Variants in FHIT observed in about 807,000 individuals in gnomAD.
FHIT encodes the protein fragile histidine triad diadenosine triphosphatase.
FHIT carries 19 observed loss-of-function variants against 17.9 expected under a neutral mutation model. The ratio of observed to expected loss-of-function variants is 1.06; its 90% confidence interval spans 0.74 to 1.56. FHIT has a LOEUF of 1.56. FHIT is among the 40% of genes most tolerant of loss of function. The pLI, the probability that FHIT is intolerant of heterozygous loss-of-function variation, is 0.00. For missense variants in FHIT, 248 were observed against 189.2 expected (o/e 1.31, Z -1.82); for synonymous variants, 81 against 69.7 (o/e 1.16, Z -0.81).
chr3:61,216,913 A>G (rs2039695018), intron 1 of FHIT, among the ~76,000 whole-genome samples: 1 of 147,406 alleles, frequency 6.8e-6, no homozygotes. Context: ...CAAACACCGC[A>G]TGTTCTCACT....
intron 3 of FHIT, among the ~76,000 whole-genome samples, chr3:61,008,431 C>A (rs1227962825): frequency 6.6e-6 from 1 of 152,042 alleles, no homozygotes; most frequent in African/African-American, 2.4e-5. Flanking sequence ...GGGCTCTGCA[C>A]TACAATTCTC....
rs1701429991 is a variant in FHIT at position 59,760,102 on chromosome 3, TA to T, written c.349-7782del. Among the ~76,000 whole-genome samples, 2 of 152,206 alleles carry T rather than the reference TA, an allele frequency of 1.3e-5. 1 individual carries two copies. The highest frequency in any genetic ancestry group is 6.4e-3 in the Middle Eastern group (2 of 314). ...GAAATTCAAGTAATCAATGGAGCAT[TA>T]ATCATTTGATTAGTTGCCAAAGCTT... is the stretch of plus-strand genomic sequence containing the variant. On this transcript the variant is annotated intron_variant, in intron 8 of 9. Coordinates refer to ENST00000492590, the MANE Select transcript of FHIT (RefSeq NM_002012.4).
intron 4 of FHIT, among the ~76,000 whole-genome samples, chr3:60,563,700 C>G (rs1315969491): frequency 6.6e-6 from 1 of 152,168 alleles, no homozygotes. Flanking sequence ...TCCCTTAAGC[C>G]AAAGCCTAAT....
chr3:60,274,853 C>A (rs1707044455), intron 5 of FHIT, among the ~76,000 whole-genome samples: 1 of 152,146 alleles, frequency 6.6e-6, no homozygotes, highest in Admixed American at 6.5e-5. Flanking sequence ...ACACTCATGT[C>A]AGCAAATTTA....
At chr3:59,834,575 T>C (rs1701276211) in intron 8 of FHIT, among the ~76,000 whole-genome samples, 1 of 152,168 alleles carries the variant, frequency 6.6e-6, no homozygotes, top group Admixed American at 6.6e-5. Flanking sequence ...GAGAACCCTC[T>C]TCCAGGTTGT....
intron 1 of FHIT, among the ~76,000 whole-genome samples, chr3:61,230,628 T>G (rs1233962437): frequency 6.6e-6 from 1 of 152,130 alleles, no homozygotes; most frequent in Non-Finnish European, 1.5e-5. Context: ...TAGACTAGAG[T>G]AAGGATTGCT....
intron 5 of FHIT, among the ~76,000 whole-genome samples, chr3:60,529,512 T>C (rs1476943960): frequency 6.6e-6 from 1 of 152,238 alleles, no homozygotes; most frequent in Non-Finnish European, 1.5e-5. Flanking sequence ...GTTAATTACA[T>C]GACACTTCTT....
intron 4 of FHIT, among the ~76,000 whole-genome samples, chr3:60,556,600 C>T (rs924692073): frequency 6.6e-5 from 10 of 152,240 alleles, no homozygotes; most frequent in African/African-American, 2.4e-4. Flanking sequence ...GCAACTTGAT[C>T]AAGGTCACCC....
Position 60,406,321 on chromosome 3 carries a change from G to A in FHIT, c.103+130539C>T, listed in dbSNP as rs975249100. 6.6e-5 allele frequency among the ~76,000 whole-genome samples: 10 copies of A among 152,262 alleles called. 1 individual carries two copies. Among genetic ancestry groups the A allele is most frequent in the Admixed American group, 4.6e-4 (7 of 15,296 alleles). ...GAATGCTTTTCTCTAAGAAGTTCCT[G>A]ATCCTGAGAACCAGGCAATCTTACA... is the stretch of plus-strand genomic sequence containing the variant. On this transcript the variant is annotated intron_variant, in intron 5 of 9. Coordinates refer to ENST00000492590, the MANE Select transcript of FHIT (RefSeq NM_002012.4).
intron 5 of FHIT, among the ~76,000 whole-genome samples, chr3:60,521,372 C>T (rs376957369): frequency 5.3e-5 from 8 of 152,090 alleles, no homozygotes; most frequent in Non-Finnish European, 1.0e-4. Context: ...CTCAACCTCC[C>T]GAGTAGCTGG....
chr3:60,853,509 C>A (rs1703238882), intron 3 of FHIT, among the ~76,000 whole-genome samples: 1 of 152,000 alleles, frequency 6.6e-6, no homozygotes, highest in Non-Finnish European at 1.5e-5. Flanking sequence ...TTGGGTGAAG[C>A]CACTTCAGCC....
intron 5 of FHIT, among the ~76,000 whole-genome samples, chr3:60,271,192 G>T (rs1156337128): frequency 4.6e-5 from 7 of 152,030 alleles, no homozygotes; most frequent in Non-Finnish European, 1.0e-4. Flanking sequence ...TTGAGCTCAG[G>T]AGTTCAAGAC....
intron 5 of FHIT, among the ~76,000 whole-genome samples, chr3:60,530,519 C>A (rs538424355): frequency 3.3e-5 from 5 of 152,226 alleles, no homozygotes; most frequent in Admixed American, 3.3e-4. Flanking sequence ...AGTCTCGGCT[C>A]CAGAAACAAA....
intron 5 of FHIT, among the ~76,000 whole-genome samples, chr3:60,345,417 T>A (rs1430862837): frequency 2.0e-5 from 3 of 152,230 alleles, no homozygotes; most frequent in East Asian, 3.8e-4. Context: ...TATTGTTAAA[T>A]ACCTACAATC....
intron 5 of FHIT, among the ~76,000 whole-genome samples, chr3:60,416,830 T>C (rs1466671318): frequency 6.6e-6 from 1 of 152,138 alleles, no homozygotes; most frequent in African/African-American, 2.4e-5. Flanking sequence ...CTGATGCCTG[T>C]AATCCCAGCA....
intron 8 of FHIT, among the ~76,000 whole-genome samples, chr3:59,859,450 G>C (rs764188996): frequency 6.6e-6 from 1 of 152,234 alleles, no homozygotes; most frequent in African/African-American, 2.4e-5. Context: ...GGGTGCTGTG[G>C]CTCACGCCTG....
Position 60,348,492 on chromosome 3 carries a change from T to C in FHIT, c.103+188368A>G, listed in dbSNP as rs567077801. On this transcript the variant is annotated intron_variant, in intron 5 of 9. Coordinates refer to ENST00000492590, the MANE Select transcript of FHIT (RefSeq NM_002012.4). ...ACATGTAGAACAAAATAAAAACCAC[T>C]AAAGGAATAGAGATTGCCATTTATT... Among the ~76,000 whole-genome samples, 104 of 152,282 alleles carry C rather than the reference T, an allele frequency of 6.8e-4. 2 individuals are homozygous for C. Among genetic ancestry groups the C allele is most frequent in the Non-Finnish European group, 5.9e-4 (40 of 68,010 alleles).
intron 2 of FHIT, among the ~76,000 whole-genome samples, chr3:61,084,144 A>AT (rs1486398945): frequency 6.6e-6 from 1 of 152,148 alleles, no homozygotes; most frequent in African/African-American, 2.4e-5. Context: ...TACCCAAATG[A>AT]TTCAGCACTA....
chr3:59,836,260 A>G (rs1443930732), intron 8 of FHIT, among the ~76,000 whole-genome samples: 3 of 152,172 alleles, frequency 2.0e-5, no homozygotes, highest in Admixed American at 2.0e-4. Context: ...GCTCCTTTGC[A>G]CGATTCCATA....
Sources: allele counts gnomAD v4.1 joint callset (sites outside exome capture counted in the v4.1 genomes callset), GRCh38; gene constraint gnomAD v4.1.1; transcripts MANE v1.5; gene names NCBI Gene and HGNC (gene_info 2026-07-23, HGNC 2026-07-21).